Variants in LRRC20 observed in about 807,000 individuals in gnomAD.
The protein encoded by LRRC20 is leucine-rich repeat-containing protein 20.
Under a neutral mutation model 14.4 loss-of-function variants are expected in LRRC20, and 11 were observed. That is an observed-to-expected ratio of 0.77 (90% CI 0.48 to 1.27). LRRC20 has a LOEUF of 1.27. Ranked by LOEUF, LRRC20 falls within the 50% of genes most tolerant of loss-of-function variation. The pLI is 0.00. For synonymous variants in LRRC20, 121 were observed against 107.3 expected (o/e 1.13, Z -0.79); for missense variants, 219 against 251.2 (o/e 0.87, Z 0.87).
chr10:70,315,551 C>G (rs572195591), intron 4 of LRRC20, among the ~76,000 whole-genome samples: 3 of 152,250 alleles, frequency 2.0e-5, no homozygotes, highest in East Asian at 1.9e-4. Flanking sequence ...GATTCACAAC[C>G]CCGTTATTCC....
intron 2 of LRRC20, 72 bp downstream of exon 2, chr10:70,376,380 T>G: frequency 6.8e-7 from 1 of 1,477,592 alleles, no homozygotes; most frequent in Non-Finnish European, 9.4e-7. Flanking sequence ...GTGTCTTTCA[T>G]CTCTGTTTCA....
At chr10:70,374,217 C>T (rs1391487524) in intron 2 of LRRC20, among the ~76,000 whole-genome samples, 2 of 152,202 alleles carry the variant, frequency 1.3e-5, no homozygotes, top group Non-Finnish European at 2.9e-5. Context: ...GAAACATCCT[C>T]TCTCAAACAG....
chr10:70,323,151 G>T (rs1267388190), intron 4 of LRRC20, among the ~76,000 whole-genome samples: 1 of 152,054 alleles, frequency 6.6e-6, no homozygotes, highest in Non-Finnish European at 1.5e-5. Context: ...AGGGTGCTGC[G>T]GAGGGGAGGG....
intron 4 of LRRC20, among the ~76,000 whole-genome samples, chr10:70,303,001 C>T (rs371567717): frequency 1.3e-4 from 19 of 151,116 alleles, no homozygotes; most frequent in African/African-American, 2.7e-4. Flanking sequence ...TGAGCCACTG[C>T]GCCCGGCCCT....
chr10:70,301,483 G>A lies in LRRC20; in HGVS notation c.426C>T (p.Ala142=). 1 of 1,614,092 alleles carries A rather than the reference G, an allele frequency of 6.2e-7. No homozygotes were observed. The highest frequency in any genetic ancestry group is 1.1e-5 in the South Asian group (1 of 91,074). ...GGTTGATGCTGCGCAAGGCTGGCATGGCGGCCAGCTTCTCCACGGGCACAT... is the reference window on the plus strand; with the variant it reads ...GGTTGATGCTGCGCAAGGCTGGCATAGCGGCCAGCTTCTCCACGGGCACAT... ...IVDVPVEKLA[A]MPALRSINLR... is the part of the protein sequence containing the mutation. The change falls in exon 5 of 5, where the codon GCC becomes GCT. Residue 142 remains alanine (A), a synonymous_variant. Transcript: ENST00000446961.
chr10:70,325,190 A>G (rs144502337), intron 3 of LRRC20, among the ~76,000 whole-genome samples: 73 of 152,240 alleles, frequency 4.8e-4, no homozygotes, highest in Non-Finnish European at 8.1e-4. Context: ...TATTCACATG[A>G]GGTCTCATGA....
intron 1 of LRRC20, among the ~76,000 whole-genome samples, chr10:70,382,080 G>C (rs1298975143): frequency 1.3e-5 from 2 of 152,210 alleles, no homozygotes; most frequent in Admixed American, 1.3e-4. Flanking sequence ...CAGAGGCCCC[G>C]GGGCTCCCAC....
At chr10:70,338,804 G>A (rs1018820164) in intron 3 of LRRC20, among the ~76,000 whole-genome samples, 1 of 152,186 alleles carries the variant, frequency 6.6e-6, no homozygotes, top group Non-Finnish European at 1.5e-5. Context: ...GGGATTACAG[G>A]TGTGCGCCAC....
chr10:70,353,064 T>C (rs574412249), intron 2 of LRRC20, among the ~76,000 whole-genome samples: 16 of 152,284 alleles, frequency 1.1e-4, no homozygotes, highest in Admixed American at 1.3e-4. Context: ...AACTTTCTCC[T>C]GCACCGGTGT....
chr10:70,322,027 G>C (rs946240774), intron 4 of LRRC20, among the ~76,000 whole-genome samples: 4 of 152,248 alleles, frequency 2.6e-5, no homozygotes, highest in Non-Finnish European at 4.4e-5. Flanking sequence ...AGAAGGGGAA[G>C]GACCAGGAGA....
At chr10:70,377,276 G>A (rs1844545799) in intron 1 of LRRC20, among the ~76,000 whole-genome samples, 1 of 152,294 alleles carries the variant, frequency 6.6e-6, no homozygotes, top group African/African-American at 2.4e-5. Flanking sequence ...GGCAGGGGCC[G>A]GGGGGTGGAG....
At chr10:70,306,102 GTCTCTC>G (rs55733521) in intron 4 of LRRC20, among the ~76,000 whole-genome samples, 33 of 144,472 alleles carry the variant, frequency 2.3e-4, no homozygotes, top group East Asian at 8.1e-4. Context: ...TGCATTTTCT[GTCTCTC>G]TCTCTCTCTC....
intron 3 of LRRC20, among the ~76,000 whole-genome samples, chr10:70,336,472 C>A (rs1176232858): frequency 2.0e-5 from 3 of 152,172 alleles, no homozygotes; most frequent in African/African-American, 7.2e-5. Context: ...AAACAACAAT[C>A]CCTATAACAA....
At chr10:70,325,876 G>A (rs562773898) in intron 3 of LRRC20, among the ~76,000 whole-genome samples, 9 of 152,082 alleles carry the variant, frequency 5.9e-5, no homozygotes, top group South Asian at 2.1e-4. Context: ...GGCACCTCCC[G>A]AGAAAATAAG....
chr10:70,336,820 C>T (rs571524149), intron 3 of LRRC20, among the ~76,000 whole-genome samples: 110 of 152,302 alleles, frequency 7.2e-4, no homozygotes, highest in Middle Eastern at 3.4e-3. Flanking sequence ...TCTCCTACAC[C>T]TCTGGCCTGG....
chr10:70,380,457 AGGGTACCTG>A (rs531500141), intron 1 of LRRC20, among the ~76,000 whole-genome samples: 2,271 of 152,328 alleles, frequency 0.015, 24 homozygotes, highest in Non-Finnish European at 0.022. Context: ...TGAGCTCCTC[AGGGTACCTG>A]GTCAATGCCA....
intron 2 of LRRC20, among the ~76,000 whole-genome samples, chr10:70,372,655 G>T (rs964359112): frequency 3.0e-4 from 46 of 151,946 alleles, no homozygotes; most frequent in African/African-American, 9.6e-4. Flanking sequence ...TGTTAGCCAG[G>T]ATGGTTTCGA....
chr10:70,345,076 C>G (rs575207563), intron 2 of LRRC20, among the ~76,000 whole-genome samples: 3 of 152,016 alleles, frequency 2.0e-5, no homozygotes, highest in African/African-American at 7.2e-5. Flanking sequence ...ATAAGCAAGA[C>G]CCTCTTAAAA....
intron 2 of LRRC20, among the ~76,000 whole-genome samples, chr10:70,371,532 G>A (rs900646130): frequency 1.3e-5 from 2 of 152,044 alleles, no homozygotes; most frequent in African/African-American, 2.4e-5. Flanking sequence ...ACCCGGAGAG[G>A]AGCGGGGTGC....
Sources: allele counts gnomAD v4.1 joint callset (sites outside exome capture counted in the v4.1 genomes callset), GRCh38; gene constraint gnomAD v4.1.1; transcripts MANE v1.5; gene names NCBI Gene and HGNC (gene_info 2026-07-23, HGNC 2026-07-21).